The following ADAMTS19 variants were observed in gnomAD, a reference collection of about 807,000 sequenced individuals.
ADAMTS19 encodes A disintegrin and metalloproteinase with thrombospondin motifs 19.
A neutral mutation model predicts 153.3 loss-of-function variants in ADAMTS19; 93 were observed. That is an observed-to-expected ratio of 0.61 (90% CI 0.51 to 0.72). The LOEUF is 0.72. ADAMTS19 is among the 30% of genes least tolerant of loss of function. ADAMTS19 has a pLI of 0.00. For missense variants in ADAMTS19, 1,482 were observed against 1,552.1 expected, an observed-to-expected ratio of 0.95 and a Z score of 0.76; for synonymous variants, 600 against 556.6, an observed-to-expected ratio of 1.08 and a Z score of -1.10.
chr5:129,658,830 A>G, intron 15 of ADAMTS19, 93 bp downstream of exon 15: 1 of 1,337,022 alleles, frequency 7.5e-7, no homozygotes, highest in East Asian at 2.4e-5. Flanking sequence ...TATAGTTCTA[A>G]TTCTATTGAA....
At chr5:129,561,010 A>G (rs1328479505) in intron 7 of ADAMTS19, among the ~76,000 whole-genome samples, 9 of 152,186 alleles carry the variant, frequency 5.9e-5, no homozygotes, top group Admixed American at 5.2e-4. Context: ...ACATTTATCA[A>G]TTATTGCTGT....
chr5:129,715,884 A>C (rs1220199544), intron 21 of ADAMTS19, among the ~76,000 whole-genome samples: 1 of 152,154 alleles, frequency 6.6e-6, no homozygotes, highest in Non-Finnish European at 1.5e-5. Context: ...AAAATTTCAA[A>C]GTATATGTGT....
intron 2 of ADAMTS19, among the ~76,000 whole-genome samples, chr5:129,477,972 A>G (rs1291850091): frequency 6.6e-6 from 1 of 152,166 alleles, no homozygotes; most frequent in African/African-American, 2.4e-5. Context: ...ATTGATTTCC[A>G]TAAATTAGCC....
At position 129,568,645 on chromosome 5, in the gene ADAMTS19, C is replaced by T. The variant is rs79476293; in HGVS notation, c.1372+16738C>T. ...GACCAGCCTGGGTAACATAATGAGACCTTGTTGCCACAAAAAAAGTTTAAA... is the reference window on the plus strand; with the variant it reads ...GACCAGCCTGGGTAACATAATGAGATCTTGTTGCCACAAAAAAAGTTTAAA... On this transcript the variant is annotated intron_variant, in intron 7 of 22. Transcript: ENST00000274487. Among the ~76,000 whole-genome samples, 310 of 152,002 alleles carry T rather than the reference C, an allele frequency of 2.0e-3. 1 individual carries two copies. The highest frequency in any genetic ancestry group is 7.1e-3 in the African/African-American group (294 of 41,476).
At position 129,735,123 on chromosome 5, in the gene ADAMTS19, A is replaced by T. The variant is rs1161565683; in HGVS notation, c.3490+14A>T. Reference sequence around the variant, plus strand: ...CACCCAGACTGGGTAAGCAGACAAAAAAAAAAGATGCTTTTGAAAAACATA... The same window carrying T: ...CACCCAGACTGGGTAAGCAGACAAATAAAAAAGATGCTTTTGAAAAACATA... On this transcript the variant is annotated intron_variant, in intron 22 of 22. Coordinates refer to ENST00000274487, the MANE Select transcript of ADAMTS19 (RefSeq NM_133638.6). 6.5e-7 allele frequency: 1 copy of T among 1,536,484 alleles called. No individual in the cohort carries two copies. Among genetic ancestry groups the T allele is most frequent in the African/African-American group, 1.4e-5 (1 of 70,692 alleles).
At chr5:129,662,656 A>C (rs1470111251) in intron 15 of ADAMTS19, among the ~76,000 whole-genome samples, 1 of 152,130 alleles carries the variant, frequency 6.6e-6, no homozygotes. Context: ...AATATTCTGA[A>C]GTTCAACATC....
At chr5:129,685,415 A>G (rs1345765216) in intron 18 of ADAMTS19, among the ~76,000 whole-genome samples, 3 of 152,016 alleles carry the variant, frequency 2.0e-5, no homozygotes, top group Non-Finnish European at 4.4e-5. Context: ...CTGTATGGCA[A>G]GTGAAGAGTA....
At chr5:129,625,829 C>A (rs925826287) in intron 10 of ADAMTS19, among the ~76,000 whole-genome samples, 3 of 152,106 alleles carry the variant, frequency 2.0e-5, no homozygotes, top group African/African-American at 7.2e-5. Context: ...TTTTGCTGTG[C>A]AGAAGCTCTT....
At chr5:129,565,912 T>C (rs1488224501) in intron 7 of ADAMTS19, among the ~76,000 whole-genome samples, 1 of 152,118 alleles carries the variant, frequency 6.6e-6, no homozygotes, top group Non-Finnish European at 1.5e-5. Flanking sequence ...TAAGCAACAG[T>C]ATTGGGGAAA....
intron 16 of ADAMTS19, among the ~76,000 whole-genome samples, chr5:129,669,991 AG>A (rs1444358691): frequency 2.0e-5 from 3 of 152,130 alleles, no homozygotes; most frequent in Non-Finnish European, 1.5e-5. Flanking sequence ...GTTGTTATTC[AG>A]CTCATCATAT....
At chr5:129,585,267 CAGTT>C (rs1286191007) in intron 7 of ADAMTS19, among the ~76,000 whole-genome samples, 8 of 151,740 alleles carry the variant, frequency 5.3e-5, no homozygotes, top group South Asian at 2.1e-4. Flanking sequence ...CCGGGTAACT[CAGTT>C]GGAAAATCAG....
At chr5:129,501,784 G>A (rs1295402079) in intron 2 of ADAMTS19, among the ~76,000 whole-genome samples, 1 of 151,858 alleles carries the variant, frequency 6.6e-6, no homozygotes, top group Non-Finnish European at 1.5e-5. Context: ...CATATAAAAT[G>A]CCTTGTAAAC....
intron 14 of ADAMTS19, among the ~76,000 whole-genome samples, chr5:129,658,199 T>C (rs1304027733): frequency 6.6e-6 from 1 of 151,796 alleles, no homozygotes; most frequent in Non-Finnish European, 1.5e-5. Context: ...GGTGGGAGGC[T>C]GGCTTCAGCC....
intron 8 of ADAMTS19, among the ~76,000 whole-genome samples, chr5:129,606,956 T>G (rs1299826617): frequency 6.6e-6 from 1 of 152,092 alleles, no homozygotes; most frequent in East Asian, 1.9e-4. Flanking sequence ...CTCACTCTGT[T>G]GCCCAGACTG....
At chr5:129,687,797 C>T (rs1488668733) in intron 18 of ADAMTS19, among the ~76,000 whole-genome samples, 1 of 152,146 alleles carries the variant, frequency 6.6e-6, no homozygotes. Context: ...CCACAAAATA[C>T]AGCATGTCTT....
At chr5:129,696,799 C>G (rs922446249) in intron 19 of ADAMTS19, among the ~76,000 whole-genome samples, 5 of 152,034 alleles carry the variant, frequency 3.3e-5, no homozygotes, top group Non-Finnish European at 7.4e-5. Flanking sequence ...ATCTAAAGAC[C>G]TGGAATCAAG....
intron 20 of ADAMTS19, among the ~76,000 whole-genome samples, chr5:129,703,520 G>A (rs1312838630): frequency 6.6e-6 from 1 of 152,026 alleles, no homozygotes; most frequent in Non-Finnish European, 1.5e-5. Flanking sequence ...ACCACTTGAG[G>A]CCAGGAGTTC....
At chr5:129,465,305 T>C (rs1293916338) in intron 2 of ADAMTS19, among the ~76,000 whole-genome samples, 1 of 140,008 alleles carries the variant, frequency 7.1e-6, no homozygotes, top group African/African-American at 3.1e-5. Context: ...GTTAACACAA[T>C]GTTTTTTTTT....
At chr5:129,603,049 GA>G (rs774610531) in intron 8 of ADAMTS19, among the ~76,000 whole-genome samples, 10 of 146,762 alleles carry the variant, frequency 6.8e-5, no homozygotes, top group Admixed American at 1.4e-4. Context: ...GTCTTGACGT[GA>G]AAAAAAAAAG....
Sources: gnomAD v4.1 joint callset for allele counts (sites outside exome capture counted in the v4.1 genomes callset) on GRCh38, gnomAD v4.1.1 for gene constraint, MANE v1.5 for transcripts, NCBI Gene and HGNC (gene_info 2026-07-23, HGNC 2026-07-21) for gene names.